Variants in CHN1 observed in about 807,000 individuals in gnomAD.
CHN1 encodes the protein N-chimaerin.
In CHN1, 37 loss-of-function variants were observed where a neutral mutation model predicts 59.5. The observed-to-expected ratio is 0.62, with a 90% CI of 0.48 to 0.82. The LOEUF (loss-of-function observed/expected upper bound fraction) is 0.82, where lower values mean the gene tolerates loss of function less well. CHN1 is among the 40% of genes least tolerant of loss of function. The probability of loss-of-function intolerance (pLI) is 0.00; values close to 1 mark genes in which losing one functional copy is unlikely to be tolerated. For synonymous variants in CHN1, 206 were observed against 200.4 expected (o/e 1.03, Z -0.24); for missense variants, 469 against 571.0 (o/e 0.82, Z 1.82).
At chr2:174,959,999 T>C (rs539084834) in intron 1 of CHN1, among the ~76,000 whole-genome samples, 1 of 152,096 alleles carries the variant, frequency 6.6e-6, no homozygotes, top group East Asian at 1.9e-4. Context: ...GGAAGAGCAA[T>C]AGTGTAGTTG....
At chr2:175,001,927 A>G (rs1691902418) in intron 1 of CHN1, among the ~76,000 whole-genome samples, 1 of 152,254 alleles carries the variant, frequency 6.6e-6, no homozygotes, top group African/African-American at 2.4e-5. Flanking sequence ...AGTAATTACT[A>G]GAAAACATGT....
At chr2:174,810,999 T>G (rs1685053478) in intron 10 of CHN1, 1 of 152,228 alleles carries the variant, frequency 6.6e-6, no homozygotes, top group African/African-American at 2.4e-5. Flanking sequence ...ACTGGGCCCC[T>G]TCTCCTACAG....
chr2:174,985,930 A>G (rs911647162), intron 1 of CHN1, among the ~76,000 whole-genome samples: 1 of 152,246 alleles, frequency 6.6e-6, no homozygotes, highest in Non-Finnish European at 1.5e-5. Context: ...ATTCATCAGT[A>G]TAATTCCAAA....
Position 174,898,372 on chromosome 2 carries a change from C to T in CHN1, c.260+16686G>A, listed in dbSNP as rs904681616. ...ATCCCAGAACTTTGGGAAGCCAAGG[C>T]GGGCGGATCACGAGGTCAGGAGATT... is the stretch of plus-strand genomic sequence containing the variant. On this transcript the variant is annotated intron_variant, in intron 5 of 12. Coordinates refer to ENST00000409900, the MANE Select transcript of CHN1 (RefSeq NM_001822.7). Among the ~76,000 whole-genome samples, 3 of 149,902 alleles carry T rather than the reference C, an allele frequency of 2.0e-5. No homozygotes were observed. In the East Asian group the frequency reaches 5.9e-4, roughly 29 times the overall value.
At chr2:174,866,532 G>T (rs758268929) in intron 6 of CHN1, among the ~76,000 whole-genome samples, 23 of 152,102 alleles carry the variant, frequency 1.5e-4, no homozygotes, top group South Asian at 6.2e-4. Context: ...TTTTGTGGGG[G>T]TTTTTTCTGT....
intron 5 of CHN1, among the ~76,000 whole-genome samples, chr2:174,882,783 T>C (rs1313488540): frequency 1.3e-5 from 2 of 152,182 alleles, no homozygotes; most frequent in African/African-American, 4.8e-5. Context: ...TAAATATACA[T>C]TCATTCAATC....
At chr2:174,947,487 ATTT>A (rs71031076) in intron 2 of CHN1, among the ~76,000 whole-genome samples, 1 of 135,650 alleles carries the variant, frequency 7.4e-6, no homozygotes, top group Non-Finnish European at 1.6e-5. Flanking sequence ...TTTTTTTTTA[ATTT>A]TTTTTTTTTT....
At chr2:174,860,384 C>T (rs1687031790) in intron 6 of CHN1, among the ~76,000 whole-genome samples, 1 of 152,044 alleles carries the variant, frequency 6.6e-6, no homozygotes, top group Non-Finnish European at 1.5e-5. Context: ...TGTATTTTAT[C>T]TTTAAAAGAA....
chr2:174,802,299 TATTC>T (rs1684749683), intron 11 of CHN1, among the ~76,000 whole-genome samples: 1 of 152,242 alleles, frequency 6.6e-6, no homozygotes, highest in Non-Finnish European at 1.5e-5. Flanking sequence ...TATTAATTGA[TATTC>T]ATACTTTTTT....
chr2:174,881,171 C>T (rs931726561), intron 5 of CHN1, among the ~76,000 whole-genome samples: 3 of 152,056 alleles, frequency 2.0e-5, no homozygotes, highest in Admixed American at 6.6e-5. Flanking sequence ...TCCAGTATCT[C>T]CCTCATACCA....
At chr2:175,004,265 A>C (rs898815221) in intron 1 of CHN1, among the ~76,000 whole-genome samples, 1 of 152,244 alleles carries the variant, frequency 6.6e-6, no homozygotes, top group Non-Finnish European at 1.5e-5. Context: ...TAATTACACC[A>C]CAAAAATAAC....
chr2:174,954,547 G>A (rs1051740645), intron 1 of CHN1, among the ~76,000 whole-genome samples: 1 of 152,084 alleles, frequency 6.6e-6, no homozygotes, highest in African/African-American at 2.4e-5. Context: ...CTATACATCC[G>A]ACAAAGGACT....
intron 8 of CHN1, among the ~76,000 whole-genome samples, chr2:174,814,864 T>A (rs534137014): frequency 1.3e-5 from 2 of 152,328 alleles, no homozygotes; most frequent in South Asian, 4.1e-4. Context: ...ATCTACACTG[T>A]TCTTAATGTA....
chr2:174,947,487 A>ATTTT (rs71031076), intron 2 of CHN1, among the ~76,000 whole-genome samples: 1 of 135,656 alleles, frequency 7.4e-6, no homozygotes, highest in Non-Finnish European at 1.6e-5. Flanking sequence ...TTTTTTTTTA[A>ATTTT]TTTTTTTTTT....
intron 8 of CHN1, among the ~76,000 whole-genome samples, chr2:174,812,919 C>T (rs1369591383): frequency 6.6e-6 from 1 of 152,102 alleles, no homozygotes; most frequent in East Asian, 1.9e-4. Context: ...CCAGGGCCCT[C>T]TTAAAATGGT....
intron 1 of CHN1, among the ~76,000 whole-genome samples, chr2:174,962,133 A>G (rs936866314): frequency 6.6e-6 from 1 of 152,078 alleles, no homozygotes; most frequent in African/African-American, 2.4e-5. Flanking sequence ...AAAAATACGA[A>G]AATTAGCCGG....
At chr2:174,977,105 T>C (rs574484690) in intron 1 of CHN1, among the ~76,000 whole-genome samples, 3 of 152,276 alleles carry the variant, frequency 2.0e-5, no homozygotes, top group Admixed American at 6.5e-5. Flanking sequence ...GGCAAACTTC[T>C]GTGAAGTTTC....
At chr2:174,912,573 G>A (rs1201550573) in intron 5 of CHN1, among the ~76,000 whole-genome samples, 1 of 152,132 alleles carries the variant, frequency 6.6e-6, no homozygotes, top group African/African-American at 2.4e-5. Flanking sequence ...TAACACTGAT[G>A]GGTATAAAAT....
At chr2:174,899,781 T>C (rs1688332215) in intron 5 of CHN1, among the ~76,000 whole-genome samples, 1 of 152,154 alleles carries the variant, frequency 6.6e-6, no homozygotes, top group Non-Finnish European at 1.5e-5. Flanking sequence ...TTAAGAATAA[T>C]TCCCCAAAAT....
Sources: gnomAD v4.1 joint callset for allele counts (sites outside exome capture counted in the v4.1 genomes callset) on GRCh38, gnomAD v4.1.1 for gene constraint, MANE v1.5 for transcripts, NCBI Gene and HGNC (gene_info 2026-07-23, HGNC 2026-07-21) for gene names.